Variants in ATCAY observed in about 807,000 individuals in gnomAD.
ATCAY encodes ATCAY kinesin light chain interacting caytaxin.
ATCAY carries 22 observed loss-of-function variants against 47.7 expected under a neutral mutation model. That is an observed-to-expected ratio of 0.46 (90% CI 0.33 to 0.66). ATCAY has a LOEUF of 0.66. Among genes scored for constraint, ATCAY ranks in the 30% least tolerant of loss-of-function variants. The pLI is 0.02. For synonymous variants in ATCAY, 216 were observed against 207.6 expected, an observed-to-expected ratio of 1.04 and a Z score of -0.35; for missense variants, 452 against 515.0, an observed-to-expected ratio of 0.88 and a Z score of 1.18.
At chr19:3,897,255 G>T (rs2038777405) in intron 2 of ATCAY, among the ~76,000 whole-genome samples, 1 of 142,648 alleles carries the variant, frequency 7.0e-6, no homozygotes, top group African/African-American at 2.7e-5. Flanking sequence ...TCCTTTCTTT[G>T]AAGTTTGCTA....
intron 8 of ATCAY, among the ~76,000 whole-genome samples, chr19:3,912,710 A>G (rs538176695): frequency 6.6e-6 from 1 of 151,662 alleles, no homozygotes; most frequent in Admixed American, 6.6e-5. Flanking sequence ...CAAGACCTCC[A>G]TCTCTACAAA....
rs148910123 is a variant in ATCAY at position 3,905,775 on chromosome 19, G to T, written c.358+120G>T. ...TGGGGCAGGGGCTCTAAGCAGTCTA[G>T]CCTTAAACCCAGGAGATCAAGACTG... On this transcript the variant is annotated intron_variant, in intron 4 of 12. Coordinates refer to ENST00000450849, the MANE Select transcript of ATCAY (RefSeq NM_033064.5). 5,322 of 859,750 alleles carry T rather than the reference G, an allele frequency of 6.2e-3. 46 individuals are homozygous for T. The highest frequency in any genetic ancestry group is 0.023 in the South Asian group (1,285 of 56,586). 53.3% of individuals were successfully genotyped at this position (859,750 alleles called of 1,614,324 possible).
intron 10 of ATCAY, 79 bp from the exon 11 acceptor site, chr19:3,918,727 A>C (rs2038989636): frequency 6.8e-7 from 1 of 1,471,786 alleles, no homozygotes. Flanking sequence ...AAAACCAGAG[A>C]GGCCAGTACT....
intron 3 of ATCAY, among the ~76,000 whole-genome samples, chr19:3,902,793 G>A (rs2038826626): frequency 1.3e-5 from 2 of 152,090 alleles, no homozygotes; most frequent in Admixed American, 6.6e-5. Flanking sequence ...GTGCCCCAAT[G>A]CCTCATCTAC....
Position 3,896,583 on chromosome 19 carries a change from G to A in ATCAY, c.78-5904G>A, listed in dbSNP as rs370479444. ...CGCCCGGCCTGAGATGCTTTCTACA[G>A]CTTCATATTTCAGCTGCAGCCCAGC... On this transcript the variant is annotated intron_variant, in intron 2 of 12. Transcript: ENST00000450849. Among the ~76,000 whole-genome samples the A allele has an allele frequency of 6.6e-5, 10 of 151,670 alleles. 1 individual carries two copies. Among genetic ancestry groups the A allele is most frequent in the East Asian group, 3.9e-4 (2 of 5,068 alleles).
intron 9 of ATCAY, among the ~76,000 whole-genome samples, chr19:3,914,971 C>T (rs770365253): frequency 3.6e-4 from 49 of 134,386 alleles, no homozygotes; most frequent in Admixed American, 9.9e-4. Context: ...CATTTTATTT[C>T]CTGGAGCCCC....
rs896581700 is a variant in ATCAY at position 3,885,415 on chromosome 19, G to A, written c.-41-312G>A. On this transcript the variant is annotated intron_variant, in intron 1 of 12. Coordinates refer to ENST00000450849, the MANE Select transcript of ATCAY (RefSeq NM_033064.5). ...CTAAAAATACAAGAATTAACCAGGCGTGGTGATGGGTGCCTGTAACCCCAG... is the reference window on the plus strand; with the variant it reads ...CTAAAAATACAAGAATTAACCAGGCATGGTGATGGGTGCCTGTAACCCCAG... Among the ~76,000 whole-genome samples, 6 of 151,504 alleles carry A rather than the reference G, an allele frequency of 4.0e-5. No individual in the cohort carries two copies. In the South Asian group the frequency reaches 6.3e-4, roughly 16 times the overall value.
At chr19:3,887,505 G>A in intron 2 of ATCAY, among the ~76,000 whole-genome samples, 1 of 148,352 alleles carries the variant, frequency 6.7e-6, no homozygotes, top group Admixed American at 6.7e-5. Context: ...ATTTATTTTT[G>A]AGACAGAGTG....
At chr19:3,914,824 G>GA (rs35419791) in intron 9 of ATCAY, among the ~76,000 whole-genome samples, 83,180 of 141,752 alleles carry the variant, frequency 0.59, 24,802 homozygotes, top group East Asian at 0.93. Context: ...TCCGTCTCAA[G>GA]AAAAAAAAAA....
At chr19:3,896,043 G>C (rs1023771814) in intron 2 of ATCAY, among the ~76,000 whole-genome samples, 2 of 151,932 alleles carry the variant, frequency 1.3e-5, no homozygotes, top group Non-Finnish European at 2.9e-5. Context: ...GTAGTGATGG[G>C]GTCTTGCTGT....
chr19:3,907,687 A>G lies in ATCAY; in HGVS notation c.359-47A>G. ...GGAAGGCTGAGCAGGAGGGCAGGAG[A>G]TATCCGGACTCTGGCGTCCATGCGA... On this transcript the variant is annotated intron_variant, in intron 4 of 12. Coordinates refer to ENST00000450849, the MANE Select transcript of ATCAY (RefSeq NM_033064.5). This position sits in a 1 kb window ranked among gnomAD's most constrained non-coding sequence, Gnocchi z 5.1. 3 of 1,606,236 alleles carry G rather than the reference A, an allele frequency of 1.9e-6. No homozygotes were observed. The highest frequency in any genetic ancestry group is 2.6e-6 in the Non-Finnish European group (3 of 1,175,490).
At chr19:3,885,886 G>C in intron 2 of ATCAY, 42 bp downstream of exon 2, 1 of 1,536,726 alleles carries the variant, frequency 6.5e-7, no homozygotes, top group Non-Finnish European at 8.8e-7. Context: ...GGGGGAGCAG[G>C]TGTCTCTCCC....
chr19:3,914,438 C>G lies in ATCAY; in HGVS notation c.965+582C>G, dbSNP rs567742276. ...AGAATAGCACAGGAAAGACCTGCCC[C>G]CATGATTCAGTGACCTCCCACCAGG... On this transcript the variant is annotated intron_variant, in intron 9 of 12. Coordinates refer to ENST00000450849, the MANE Select transcript of ATCAY (RefSeq NM_033064.5). Among the ~76,000 whole-genome samples the G allele has an allele frequency of 3.0e-4, 46 of 151,930 alleles. 1 individual carries two copies. The South Asian group carries it at 9.2e-3, about 30-fold the overall frequency.
At chr19:3,887,464 ATTTTATTTT>A (rs935794261) in intron 2 of ATCAY, among the ~76,000 whole-genome samples, 1 of 150,690 alleles carries the variant, frequency 6.6e-6, no homozygotes, top group Non-Finnish European at 1.5e-5. Context: ...TCTCTATTTT[ATTTTATTTT>A]TTTTATTTTA....
intron 8 of ATCAY, among the ~76,000 whole-genome samples, chr19:3,913,280 C>CTGG (rs2038938109): frequency 6.6e-6 from 1 of 152,148 alleles, no homozygotes; most frequent in Non-Finnish European, 1.5e-5. Context: ...GAGCAAGACT[C>CTGG]TGTGTCAAAA....
At chr19:3,911,554 TATAA>T (rs541281074) in intron 8 of ATCAY, among the ~76,000 whole-genome samples, 4 of 119,708 alleles carry the variant, frequency 3.3e-5, no homozygotes, top group Non-Finnish European at 4.9e-5. Context: ...TATATGTATG[TATAA>T]ATAAATAAAT....
intron 9 of ATCAY, among the ~76,000 whole-genome samples, chr19:3,916,961 C>T (rs758897072): frequency 1.3e-5 from 2 of 151,778 alleles, no homozygotes; most frequent in Non-Finnish European, 2.9e-5. Context: ...GCACCTGCCA[C>T]CACGCCCAGC....
intron 11 of ATCAY, among the ~76,000 whole-genome samples, chr19:3,919,262 C>A (rs1293780152): frequency 1.4e-5 from 2 of 147,716 alleles, no homozygotes; most frequent in Admixed American, 1.4e-4. Context: ...CAAAGTGAGA[C>A]TCCATCTCAA....
chr19:3,916,711 G>C (rs2038969042), intron 9 of ATCAY, among the ~76,000 whole-genome samples: 3 of 151,804 alleles, frequency 2.0e-5, no homozygotes, highest in Admixed American at 1.3e-4. Flanking sequence ...GGCCTGGCTG[G>C]TCTCAAACTC....
Sources: allele counts gnomAD v4.1 joint callset (sites outside exome capture counted in the v4.1 genomes callset), GRCh38; gene constraint gnomAD v4.1.1; non-coding constraint Gnocchi (gnomAD v3.1); transcripts MANE v1.5; gene names NCBI Gene and HGNC (gene_info 2026-07-23, HGNC 2026-07-21).